Variants in TBPL1 observed in about 807,000 individuals in gnomAD.
TBPL1 encodes the protein TATA-box binding protein like 1.
Under a neutral mutation model 22.1 loss-of-function variants are expected in TBPL1, and 4 were observed. The observed-to-expected ratio is 0.18, with a 90% CI of 0.09 to 0.41. The LOEUF is 0.41. Ranked by LOEUF, TBPL1 falls within the 10% of genes least tolerant of loss-of-function variation. The probability of loss-of-function intolerance (pLI) is 1.00; values close to 1 mark genes in which losing one functional copy is unlikely to be tolerated. For synonymous variants in TBPL1, 64 were observed against 71.0 expected (o/e 0.90, Z 0.50); for missense variants, 115 against 222.3 (o/e 0.52, Z 3.07).
intron 2 of TBPL1, among the ~76,000 whole-genome samples, chr6:133,980,561 A>C: frequency 6.6e-6 from 1 of 152,012 alleles, no homozygotes; most frequent in East Asian, 1.9e-4. Flanking sequence ...GTACCTATTC[A>C]AATATGATTA....
chr6:133,972,187 A>G (rs1206965678), intron 1 of TBPL1, among the ~76,000 whole-genome samples: 1 of 152,198 alleles, frequency 6.6e-6, no homozygotes, highest in Non-Finnish European at 1.5e-5. Flanking sequence ...TCCCCCAAGT[A>G]TTTGAGTCTA....
intron 1 of TBPL1, among the ~76,000 whole-genome samples, chr6:133,963,874 C>CAAAA (rs1232594843): frequency 1.5e-4 from 14 of 94,438 alleles, no homozygotes; most frequent in Non-Finnish European, 3.0e-4. Flanking sequence ...ACTAAAAATA[C>CAAAA]AAAAAAAAAA....
intron 1 of TBPL1, among the ~76,000 whole-genome samples, chr6:133,967,385 A>G (rs1376506566): frequency 1.3e-5 from 2 of 152,236 alleles, no homozygotes; most frequent in Non-Finnish European, 2.9e-5. Context: ...CCATAAATCA[A>G]TAAGAAATCT....
At chr6:133,981,879 A>G (rs2114383041) in intron 2 of TBPL1, among the ~76,000 whole-genome samples, 1 of 152,348 alleles carries the variant, frequency 6.6e-6, no homozygotes, top group South Asian at 2.1e-4. Context: ...ACCTATTTAT[A>G]CACACTCTGT....
rs1776579473 is a variant in TBPL1, at chr6:133,988,998, C to T, written c.*1958C>T. 1 of 152,096 alleles carries T rather than the reference C, an allele frequency of 6.6e-6. No homozygotes were observed. The highest frequency in any genetic ancestry group is 1.5e-5 in the Non-Finnish European group (1 of 68,020). The allele number at this position is 152,096 out of a possible 1,614,324, so 9.4% of individuals were successfully genotyped here. On this transcript the variant is annotated 3_prime_UTR_variant, in exon 7 of 7. Transcript: ENST00000237264. Reference sequence around the variant, plus strand: ...TTTTAGTATTCGCATGACTTGAAAACTGGGCAGATCAATAGATAATCGAAG... The same window carrying T: ...TTTTAGTATTCGCATGACTTGAAAATTGGGCAGATCAATAGATAATCGAAG...
chr6:133,965,950 T>C lies in TBPL1; in HGVS notation c.-45+12525T>C, dbSNP rs192656191. Reference sequence around the variant, plus strand: ...TGATGGGTTCTGTTTATCTGCCTTATTTTACAGAGGAGGATATTGAGGCAC... The same window carrying C: ...TGATGGGTTCTGTTTATCTGCCTTACTTTACAGAGGAGGATATTGAGGCAC... On this transcript the variant is annotated intron_variant, in intron 1 of 6. Coordinates refer to ENST00000237264, the MANE Select transcript of TBPL1 (RefSeq NM_004865.4). 2.4e-4 allele frequency among the ~76,000 whole-genome samples: 36 copies of C among 152,340 alleles called. No individual in the cohort carries two copies. In the East Asian group the frequency reaches 5.8e-3, roughly 24 times the overall value.
chr6:133,983,549 G>C (rs1776452661), intron 4 of TBPL1, among the ~76,000 whole-genome samples: 1 of 152,152 alleles, frequency 6.6e-6, no homozygotes, highest in Non-Finnish European at 1.5e-5. Context: ...CTGAACGGCT[G>C]GTGGGGAGTG....
At chr6:133,980,962 A>ATTTTTTTTTTTTTTTTTTTTTTTTTT (rs10713725) in intron 2 of TBPL1, among the ~76,000 whole-genome samples, 2 of 97,120 alleles carry the variant, frequency 2.1e-5, no homozygotes, top group African/African-American at 4.1e-5. Context: ...TAATTAATTA[A>ATTTTTTTTTTTTTTTTTTTTTTTTTT]TTTTTTTTTT....
At chr6:133,980,354 G>T in intron 2 of TBPL1, 94 bp downstream of exon 2, 1 of 1,378,250 alleles carries the variant, frequency 7.3e-7, no homozygotes, top group South Asian at 1.7e-5. Context: ...GATAGTTTAT[G>T]AGCACCTTAC....
In TBPL1 at chr6:133,972,747, A is replaced by C. The variant is rs17063219; in HGVS notation, c.-44-7335A>C. The stretch of plus-strand genomic sequence containing the variant: ...GTAACTGTTCTCAAGTTTTGCATCA[A>C]TTCATTAAATAATACAATTAATATT... On this transcript the variant is annotated intron_variant, in intron 1 of 6. Coordinates refer to ENST00000237264, the MANE Select transcript of TBPL1 (RefSeq NM_004865.4). Among the ~76,000 whole-genome samples, 1,278 of 152,236 alleles carry C rather than the reference A, an allele frequency of 8.4e-3. 37 individuals are homozygous for C. The highest frequency in any genetic ancestry group is 0.062 in the Admixed American group (946 of 15,268).
At chr6:133,963,135 G>A (rs945562516) in intron 1 of TBPL1, among the ~76,000 whole-genome samples, 1 of 152,156 alleles carries the variant, frequency 6.6e-6, no homozygotes, top group African/African-American at 2.4e-5. Flanking sequence ...AGCATGAAGT[G>A]GAGTTTGGGA....
intron 1 of TBPL1, among the ~76,000 whole-genome samples, chr6:133,960,051 T>C (rs1253547670): frequency 6.6e-6 from 1 of 152,222 alleles, no homozygotes; most frequent in Non-Finnish European, 1.5e-5. Context: ...CACCTACTTA[T>C]GGCTGCAGTG....
intron 1 of TBPL1, among the ~76,000 whole-genome samples, chr6:133,954,838 C>G (rs1308927839): frequency 1.3e-5 from 2 of 152,122 alleles, no homozygotes; most frequent in Non-Finnish European, 2.9e-5. Context: ...ACTCTAGTGA[C>G]CTATTACTAT....
chr6:133,984,739 A>G, intron 6 of TBPL1, 68 bp downstream of exon 6: 1 of 1,317,510 alleles, frequency 7.6e-7, no homozygotes, highest in Non-Finnish European at 1.1e-6. Context: ...TCATACCAAG[A>G]TAGAAATAAT....
At chr6:133,980,660 T>C (rs1194255661) in intron 2 of TBPL1, among the ~76,000 whole-genome samples, 1 of 151,612 alleles carries the variant, frequency 6.6e-6, no homozygotes, top group East Asian at 1.9e-4. Context: ...AGGTAGATGG[T>C]TTTCTTTCAT....
intron 1 of TBPL1, among the ~76,000 whole-genome samples, chr6:133,967,391 A>G (rs1399655530): frequency 6.6e-6 from 1 of 152,204 alleles, no homozygotes; most frequent in Non-Finnish European, 1.5e-5. Context: ...ATCAATAAGA[A>G]ATCTTAGAAG....
intron 1 of TBPL1, among the ~76,000 whole-genome samples, chr6:133,959,561 A>G (rs984862785): frequency 1.3e-5 from 2 of 152,050 alleles, no homozygotes; most frequent in African/African-American, 4.8e-5. Flanking sequence ...GGCTCACTGC[A>G]ACCTCCATCT....
At chr6:133,963,124 A>T (rs564729269) in intron 1 of TBPL1, among the ~76,000 whole-genome samples, 82 of 152,322 alleles carry the variant, frequency 5.4e-4, no homozygotes, top group Middle Eastern at 6.8e-3. Context: ...GCTGGTTTAA[A>T]AGCATGAAGT....
At chr6:133,969,046 A>C (rs1489374263) in intron 1 of TBPL1, 1 of 152,206 alleles carries the variant, frequency 6.6e-6, no homozygotes, top group Non-Finnish European at 1.5e-5. Context: ...TTTAAACATT[A>C]TTAAGATGAG....
Sources: gnomAD v4.1 joint callset for allele counts (sites outside exome capture counted in the v4.1 genomes callset) on GRCh38, gnomAD v4.1.1 for gene constraint, MANE v1.5 for transcripts, NCBI Gene and HGNC (gene_info 2026-07-23, HGNC 2026-07-21) for gene names.